The following ERBB4 variants were observed in gnomAD, a reference collection of about 807,000 sequenced individuals.
The protein encoded by ERBB4 is erb-b2 receptor tyrosine kinase 4, also known as receptor tyrosine-protein kinase erbB-4.
Under a neutral mutation model 158.0 loss-of-function variants are expected in ERBB4, and 42 were observed. The observed-to-expected ratio is 0.27, with a 90% CI of 0.21 to 0.34. The LOEUF (loss-of-function observed/expected upper bound fraction) is 0.34, where lower values mean the gene tolerates loss of function less well. Among genes scored for constraint, ERBB4 ranks in the 10% least tolerant of loss-of-function variants. The pLI is 1.00. For synonymous variants in ERBB4, 583 were observed against 558.7 expected (o/e 1.04, Z -0.61); for missense variants, 1,333 against 1,624.1 (o/e 0.82, Z 3.08).
intron 20 of ERBB4, among the ~76,000 whole-genome samples, chr2:211,530,553 C>T (rs184711129): frequency 1.3e-4 from 20 of 152,110 alleles, no homozygotes; most frequent in African/African-American, 4.8e-4. Flanking sequence ...CTAACCTAAG[C>T]AAAAACAACA....
intron 1 of ERBB4, among the ~76,000 whole-genome samples, chr2:212,511,740 C>T (rs1691531623): frequency 6.6e-6 from 1 of 152,034 alleles, no homozygotes; most frequent in African/African-American, 2.4e-5. Context: ...TGTAATTGAA[C>T]ATTTAGGGCT....
In ERBB4 at chr2:211,523,159, G is replaced by A. The variant is rs184052922; in HGVS notation, c.2487+38744C>T. 2.9e-4 allele frequency among the ~76,000 whole-genome samples: 41 copies of A among 142,486 alleles called. 1 individual carries two copies. The highest frequency in any genetic ancestry group is 3.3e-4 in the Non-Finnish European group (22 of 66,276). 93.5% of individuals were successfully genotyped at this position (142,486 alleles called of 152,430 possible). On this transcript the variant is annotated intron_variant, in intron 20 of 27. Coordinates refer to ENST00000342788, the MANE Select transcript of ERBB4 (RefSeq NM_005235.3). ...CATAGGAACACCAAATTCAACAACT[G>A]CCTAAAACAAAAAAGCACCTTCACA...
At chr2:212,392,489 T>C (rs2090906915) in intron 1 of ERBB4, among the ~76,000 whole-genome samples, 1 of 152,076 alleles carries the variant, frequency 6.6e-6, no homozygotes, top group Admixed American at 6.6e-5. Context: ...ATTATTAAAA[T>C]CTACCTCTCT....
intron 1 of ERBB4, among the ~76,000 whole-genome samples, chr2:212,331,325 T>C (rs2088158180): frequency 6.6e-6 from 1 of 151,384 alleles, no homozygotes; most frequent in South Asian, 2.1e-4. Context: ...ATACAAATAA[T>C]TAGTATATAA....
chr2:211,612,701 C>G (rs553340253), intron 19 of ERBB4, among the ~76,000 whole-genome samples: 1 of 152,006 alleles, frequency 6.6e-6, no homozygotes, highest in African/African-American at 2.4e-5. Context: ...CACTAAAGGT[C>G]TCATGCAGAG....
At chr2:211,661,348 A>G (rs529286716) in intron 15 of ERBB4, among the ~76,000 whole-genome samples, 15 of 152,346 alleles carry the variant, frequency 9.8e-5, no homozygotes, top group African/African-American at 3.4e-4. Flanking sequence ...ACTTTTGAAG[A>G]GCCAAAATCA....
At chr2:211,591,529 C>T (rs992959263) in intron 19 of ERBB4, among the ~76,000 whole-genome samples, 2 of 152,198 alleles carry the variant, frequency 1.3e-5, no homozygotes, top group Admixed American at 6.5e-5. Context: ...TCATCCACTG[C>T]GACCTAATTT....
chr2:212,046,083 A>T (rs566318400), intron 2 of ERBB4, among the ~76,000 whole-genome samples: 3 of 152,222 alleles, frequency 2.0e-5, no homozygotes, highest in Non-Finnish European at 2.9e-5. Flanking sequence ...ATGAGTAAAG[A>T]TGGGAAACCC....
chr2:212,269,038 T>C (rs2085251383), intron 1 of ERBB4, among the ~76,000 whole-genome samples: 1 of 151,688 alleles, frequency 6.6e-6, no homozygotes, highest in Non-Finnish European at 1.5e-5. Context: ...AAAAATGTAG[T>C]TTTAAAATCC....
intron 17 of ERBB4, among the ~76,000 whole-genome samples, chr2:211,626,759 C>T (rs1050462320): frequency 6.6e-6 from 1 of 151,724 alleles, no homozygotes; most frequent in Non-Finnish European, 1.5e-5. Context: ...CCTGTCTCTA[C>T]TAAAAATACA....
chr2:211,739,418 A>G (rs2074715716), intron 5 of ERBB4, among the ~76,000 whole-genome samples: 1 of 152,172 alleles, frequency 6.6e-6, no homozygotes, highest in Non-Finnish European at 1.5e-5. Context: ...AATACTTGAT[A>G]GGGAAAATGA....
intron 23 of ERBB4, 144 bp downstream of exon 23, chr2:211,424,011 C>CAAAG (rs770249762): frequency 2.5e-6 from 2 of 786,282 alleles, no homozygotes; most frequent in Non-Finnish European, 2.2e-6. Flanking sequence ...ATAGTCACAA[C>CAAAG]AAAGAGGCGT....
rs533873291 is a variant in ERBB4 at position 212,460,813 on chromosome 2, G to A, written c.82+77636C>T. Among the ~76,000 whole-genome samples the A allele has an allele frequency of 3.3e-4, 50 of 152,244 alleles. No homozygotes were observed. In the Middle Eastern group the frequency reaches 0.01, roughly 31 times the overall value. ...AAATTTCCATAAGTAATGAGGAGTC[G>A]AATGTTAATCACCAAGACAATGAGG... On this transcript the variant is annotated intron_variant, in intron 1 of 27. Transcript: ENST00000342788.
At chr2:212,415,222 TA>T (rs1166463240) in intron 1 of ERBB4, among the ~76,000 whole-genome samples, 1 of 152,118 alleles carries the variant, frequency 6.6e-6, no homozygotes, top group African/African-American at 2.4e-5. Flanking sequence ...ATTTGATTTA[TA>T]AAAAAGGCCT....
chr2:211,798,083 C>A (rs867752254), intron 3 of ERBB4, among the ~76,000 whole-genome samples: 1 of 151,754 alleles, frequency 6.6e-6, no homozygotes, highest in Non-Finnish European at 1.5e-5. Context: ...ATCAAGCAGC[C>A]GCCACCCAGA....
At chr2:212,342,343 C>G (rs112297307) in intron 1 of ERBB4, among the ~76,000 whole-genome samples, 5,490 of 152,102 alleles carry the variant, frequency 0.036, 160 homozygotes, top group Non-Finnish European at 0.055. Context: ...GGGTTTTTCC[C>G]GTGCTGTTCT....
chr2:211,780,572 TAG>T (rs1476389761), intron 4 of ERBB4, among the ~76,000 whole-genome samples: 1 of 152,120 alleles, frequency 6.6e-6, no homozygotes, highest in African/African-American at 2.4e-5. Flanking sequence ...TTCTTATAAA[TAG>T]AGTGTCAAAG....
At chr2:211,550,015 C>A (rs2067041227) in intron 20 of ERBB4, among the ~76,000 whole-genome samples, 1 of 152,048 alleles carries the variant, frequency 6.6e-6, no homozygotes, top group African/African-American at 2.4e-5. Flanking sequence ...TTTTCCCCAG[C>A]TTTATTGGGG....
intron 2 of ERBB4, among the ~76,000 whole-genome samples, chr2:211,955,678 C>A (rs1290474019): frequency 6.6e-6 from 1 of 152,100 alleles, no homozygotes; most frequent in Non-Finnish European, 1.5e-5. Flanking sequence ...AGGCCTCAGT[C>A]AATCACAGGC....
Sources: allele counts gnomAD v4.1 joint callset (sites outside exome capture counted in the v4.1 genomes callset), GRCh38; gene constraint gnomAD v4.1.1; transcripts MANE v1.5; gene names NCBI Gene and HGNC (gene_info 2026-07-23, HGNC 2026-07-21).